TRPV1: variants seen among roughly 807,000 people sequenced by gnomAD.
TRPV1 encodes OTRPC1.
A neutral mutation model predicts 82.3 loss-of-function variants in TRPV1; 82 were observed. The ratio of observed to expected loss-of-function variants is 1.00; its 90% confidence interval spans 0.83 to 1.20. The LOEUF (loss-of-function observed/expected upper bound fraction) is 1.20. TRPV1 is among the 50% of genes most tolerant of loss of function. TRPV1 has a pLI of 0.00. For synonymous variants in TRPV1, 515 were observed against 467.7 expected (o/e 1.10, Z -1.30); for missense variants, 1,067 against 1,096.8 (o/e 0.97, Z 0.38).
chr17:3,594,397 C>T (rs1017474795), intron 2 of TRPV1, among the ~76,000 whole-genome samples: 2 of 151,838 alleles, frequency 1.3e-5, no homozygotes, highest in African/African-American at 2.4e-5. Context: ...CTCCCAAGTC[C>T]TACATTTTCA....
chr17:3,604,324 G>T (rs531770981), intron 2 of TRPV1, among the ~76,000 whole-genome samples: 1 of 152,228 alleles, frequency 6.6e-6, no homozygotes, highest in South Asian at 2.1e-4. Flanking sequence ...TAGGCCAGGC[G>T]TGGTGGCTCA....
chr17:3,605,508 TA>T (rs575291328), intron 2 of TRPV1, among the ~76,000 whole-genome samples: 2,179 of 141,982 alleles, frequency 0.015, 12 homozygotes, highest in Middle Eastern at 0.025. Flanking sequence ...AGACTCCATT[TA>T]AAAAAAAAAA....
intron 2 of TRPV1, among the ~76,000 whole-genome samples, chr17:3,593,293 T>C (rs2075185422): frequency 6.6e-6 from 1 of 152,144 alleles, no homozygotes; most frequent in Non-Finnish European, 1.5e-5. Flanking sequence ...AATGTTTGTA[T>C]TTTTAGTAGA....
chr17:3,575,485 G>A (rs1485762120), intron 13 of TRPV1, among the ~76,000 whole-genome samples: 13 of 145,714 alleles, frequency 8.9e-5, no homozygotes, highest in Non-Finnish European at 1.2e-4. Flanking sequence ...TCCTTCTCAA[G>A]AAAAAAAAAA....
intron 12 of TRPV1, 134 bp from the exon 13 acceptor site, chr17:3,577,326 G>A (rs2074946795): frequency 1.0e-6 from 1 of 986,436 alleles, no homozygotes; most frequent in Non-Finnish European, 1.5e-6. Flanking sequence ...CTCAGCTCAG[G>A]GGTCATGAGG....
intron 4 of TRPV1, 28 bp downstream of exon 4, chr17:3,591,159 C>A (rs761185369): frequency 1.2e-6 from 2 of 1,608,622 alleles, no homozygotes; most frequent in Non-Finnish European, 1.7e-6. Context: ...AGGGCTGGGG[C>A]CCTCCCCGAG....
chr17:3,599,085 C>T (rs1265133343), intron 2 of TRPV1, among the ~76,000 whole-genome samples: 1 of 151,328 alleles, frequency 6.6e-6, no homozygotes, highest in Non-Finnish European at 1.5e-5. Context: ...ACTAAAAATA[C>T]AGAATTAGCT....
intron 16 of TRPV1, among the ~76,000 whole-genome samples, chr17:3,569,918 GTGGT>G (rs2074825555): frequency 1.3e-5 from 2 of 151,580 alleles, no homozygotes; most frequent in African/African-American, 2.4e-5. Context: ...CAGGGGCCAA[GTGGT>G]CAGGGAGGAG....
chr17:3,602,630 C>T (rs1468933125), intron 2 of TRPV1, among the ~76,000 whole-genome samples: 7 of 152,272 alleles, frequency 4.6e-5, no homozygotes, highest in South Asian at 2.1e-4. Flanking sequence ...CGTCTGCGGA[C>T]GCGCCAGCCA....
intron 2 of TRPV1, among the ~76,000 whole-genome samples, chr17:3,602,580 A>G (rs2075270949): frequency 6.6e-6 from 1 of 152,136 alleles, no homozygotes; most frequent in Non-Finnish European, 1.5e-5. Flanking sequence ...GTGGTTTTCT[A>G]AGTTCAGGTT....
At chr17:3,576,668 A>AAAAAATATATAT in intron 13 of TRPV1, among the ~76,000 whole-genome samples, 3 of 38,414 alleles carry the variant, frequency 7.8e-5, no homozygotes, top group African/African-American at 2.2e-4. Flanking sequence ...AAAAAAAAAA[A>AAAAAATATATAT]ATATATATAT....
In TRPV1 at chr17:3,588,197, G is replaced by T; in HGVS notation, c.1215C>A (p.Ser405Arg). ...SVLEVIAYSSSETPNRHDMLL... is the reference protein window; with the variant it reads ...SVLEVIAYSSRETPNRHDMLL... ...TGCCCCAGCCACTCACAGGGGTCTC[G>T]CTGCTGCTGTAGGCGATCACCTCCA... Residue 405 changes from serine to arginine, a missense_variant, in exon 8 of 17, where the codon AGC becomes AGA. Physicochemically the swap from Ser to Arg is moderately radical, Grantham distance 110. Transcript: ENST00000572705. The T allele has an allele frequency of 6.4e-7, 1 of 1,561,522 alleles. No individual in the cohort carries two copies. The highest frequency in any genetic ancestry group is 8.7e-7 in the Non-Finnish European group (1 of 1,152,986).
rs1341432738 is a variant in TRPV1 at position 3,572,943 on chromosome 17, A to G, written c.2103+690T>C. ...GGTTGCAGTCAGCCAAGATCATGCC[A>G]ATGCACTCCAGCCTGGGTGACAGAG... is the stretch of plus-strand genomic sequence containing the variant. On this transcript the variant is annotated intron_variant, in intron 14 of 16. Transcript: ENST00000572705. Among the ~76,000 whole-genome samples the G allele has an allele frequency of 2.2e-5, 3 of 137,322 alleles. No homozygotes were observed. The East Asian group carries it at 7.5e-4, about 34-fold the overall frequency. 90.1% of individuals were successfully genotyped at this position (137,322 alleles called of 152,430 possible). A position where few individuals can be genotyped will look rare whatever the true frequency, so the allele number is the denominator to read the frequency against.
At chr17:3,572,984 GAAAAAAAAAAAAAAA>G (rs137909617) in intron 14 of TRPV1, among the ~76,000 whole-genome samples, 2 of 71,258 alleles carry the variant, frequency 2.8e-5, no homozygotes, top group African/African-American at 5.3e-5. Context: ...CTCCATCTCA[GAAAAAAAAAAAAAAA>G]AAAAAAAAAA....
At chr17:3,573,088 C>G (rs1597513280) in intron 14 of TRPV1, among the ~76,000 whole-genome samples, 1 of 151,776 alleles carries the variant, frequency 6.6e-6, no homozygotes, top group African/African-American at 2.4e-5. Context: ...TTAGTACAGT[C>G]CCTATCACAG....
chr17:3,591,889 GC>G (rs577182703), intron 3 of TRPV1, among the ~76,000 whole-genome samples, 177 bp downstream of exon 3: 118 of 152,310 alleles, frequency 7.7e-4, no homozygotes, highest in African/African-American at 2.7e-3. Context: ...ACAGACACCA[GC>G]CCCCGTGACT....
Position 3,581,668 on chromosome 17 carries a change from C to T in TRPV1, c.1477-1141G>A, listed in dbSNP as rs542600745. Among the ~76,000 whole-genome samples, 390 of 151,618 alleles carry T rather than the reference C, an allele frequency of 2.6e-3. 1 individual carries two copies. The highest frequency in any genetic ancestry group is 5.1e-3 in the Non-Finnish European group (345 of 67,904). On this transcript the variant is annotated intron_variant, in intron 10 of 16. Transcript: ENST00000572705. ...TTGGGAGGCCGAGGCGGGCGGATCACGAGGTCAGGAGACCGAGACCATCCT... is the reference window on the plus strand; with the variant it reads ...TTGGGAGGCCGAGGCGGGCGGATCATGAGGTCAGGAGACCGAGACCATCCT...
At chr17:3,579,958 A>AAGCTCCAGGCGACTGGGGGATGGGG (rs2074984230) in intron 11 of TRPV1, among the ~76,000 whole-genome samples, 1 of 38,208 alleles carries the variant, frequency 2.6e-5, no homozygotes, top group Admixed American at 4.5e-4. Flanking sequence ...GGGGATGGGG[A>AAGCTCCAGGCGACTGGGGGATGGGG]AGCTCCAGGC....
chr17:3,582,007 G>A (rs544711615), intron 10 of TRPV1, among the ~76,000 whole-genome samples: 125 of 147,016 alleles, frequency 8.5e-4, no homozygotes, highest in Non-Finnish European at 1.2e-3. Context: ...TGGCTAACAC[G>A]GTGAAACCCC....
Sources: gnomAD v4.1 joint callset for allele counts (sites outside exome capture counted in the v4.1 genomes callset) on GRCh38, gnomAD v4.1.1 for gene constraint, MANE v1.5 for transcripts, NCBI Gene and HGNC (gene_info 2026-07-23, HGNC 2026-07-21) for gene names.